Variants in NPHS1 observed in about 807,000 individuals in gnomAD.
NPHS1 encodes NPHS1 adhesion molecule, nephrin, also known as nephrin.
Under a neutral mutation model 139.7 loss-of-function variants are expected in NPHS1, and 107 were observed. The observed-to-expected ratio is 0.77, with a 90% CI of 0.66 to 0.90. The LOEUF (loss-of-function observed/expected upper bound fraction) is 0.90, where lower values mean the gene tolerates loss of function less well. Among genes scored for constraint, NPHS1 ranks in the 40% least tolerant of loss-of-function variants. The pLI, the probability that NPHS1 is intolerant of heterozygous loss-of-function variation, is 0.00. For synonymous variants in NPHS1, 707 were observed against 706.6 expected (o/e 1.00, Z -0.01); for missense variants, 1,580 against 1,654.2 (o/e 0.96, Z 0.78).
chr19:35,839,507 C>G lies in NPHS1; in HGVS notation c.2916G>C (p.Arg972Ser). The G allele has an allele frequency of 6.2e-7, 1 of 1,614,134 alleles. No homozygotes were observed. The change falls in exon 21 of 29, where the codon AGG becomes AGC. Residue 972 changes from arginine (R) to serine (S), a missense_variant. Coordinates refer to ENST00000378910, the MANE Select transcript of NPHS1 (RefSeq NM_004646.4). ...KPGFDGGLPQ[R>S]FCIRYEALGT... ...CGACAAGGACCCACCTGATGCAGAA[C>G]CTCTGTGGCAGGCCCCCATCAAAGC... is the stretch of plus-strand genomic sequence containing the variant.
At position 35,851,916 on chromosome 19, in the gene NPHS1, CTG is replaced by C; in HGVS notation, c.-81_-80del. On this transcript the variant is annotated 5_prime_UTR_variant, in exon 1 of 29. Transcript: ENST00000378910. Reference sequence around the variant, plus strand: ...TGTCTGGCTTTCTCTGGGTCCCTCTCTGTGTGTCTCTGCCACCTGCTTTTCTT... The same window carrying C: ...TGTCTGGCTTTCTCTGGGTCCCTCTCTGTGTCTCTGCCACCTGCTTTTCTT... 8.4e-7 allele frequency: 1 copy of C among 1,195,156 alleles called. No homozygotes were observed. The highest frequency in any genetic ancestry group is 1.2e-6 in the Non-Finnish European group (1 of 823,632). 74.0% of individuals were successfully genotyped at this position (1,195,156 alleles called of 1,614,324 possible). A position where few individuals can be genotyped will look rare whatever the true frequency, so the allele number is the denominator to read the frequency against.
At position 35,841,870 on chromosome 19, in the gene NPHS1, G is replaced by C; in HGVS notation, c.2664-4C>G. The C allele has an allele frequency of 6.2e-7, 1 of 1,606,588 alleles. No individual in the cohort carries two copies. The highest frequency in any genetic ancestry group is 1.1e-5 in the South Asian group (1 of 89,964). On this transcript the variant is annotated splice_region_variant and splice_polypyrimidine_tract_variant and intron_variant, in intron 19 of 28. Coordinates refer to ENST00000378910, the MANE Select transcript of NPHS1 (RefSeq NM_004646.4). ...GTGGTATGTGTGCTCCGTGTACCTA[G>C]AGAGAAGGTAGGGCACCACTCACCC...
chr19:35,837,938 T>TAA (rs1200757977), intron 22 of NPHS1, among the ~76,000 whole-genome samples: 2,508 of 99,318 alleles, frequency 0.025, 96 homozygotes, highest in African/African-American at 0.077. Context: ...GTTATTCTCT[T>TAA]AAAAAAAAAA....
intron 22 of NPHS1, 80 bp downstream of exon 22, chr19:35,839,157 G>A (rs1438785285): frequency 1.4e-5 from 19 of 1,356,650 alleles, no homozygotes; most frequent in Middle Eastern, 4.4e-4. Context: ...CATCATAAAA[G>A]GGGAATAGTA....
At chr19:35,846,832 A>C (rs1053981904) in intron 11 of NPHS1, among the ~76,000 whole-genome samples, 3 of 152,166 alleles carry the variant, frequency 2.0e-5, no homozygotes, top group African/African-American at 7.2e-5. Flanking sequence ...AATTAAAATA[A>C]AATTCCATTG....
At chr19:35,840,195 G>A (rs538125562) in intron 20 of NPHS1, among the ~76,000 whole-genome samples, 2 of 151,632 alleles carry the variant, frequency 1.3e-5, no homozygotes, top group African/African-American at 4.8e-5. Flanking sequence ...AGTAGAGATG[G>A]GGTTTCACTA....
At chr19:35,829,162 G>GC (rs1401750046) in intron 28 of NPHS1, among the ~76,000 whole-genome samples, 1 of 152,176 alleles carries the variant, frequency 6.6e-6, no homozygotes, top group Non-Finnish European at 1.5e-5. Flanking sequence ...AGTGGGGCTG[G>GC]CCCCTACTCC....
Position 35,831,379 on chromosome 19 carries a change from G to T in NPHS1, c.3312-8C>A. On this transcript the variant is annotated splice_polypyrimidine_tract_variant and splice_region_variant and intron_variant, in intron 25 of 28. Coordinates refer to ENST00000378910, the MANE Select transcript of NPHS1 (RefSeq NM_004646.4). Reference sequence around the variant, plus strand: ...ACTCGGTCCTCTTCCGACCTTCCAGGATGAAGGTGTGGGGGGAAGTTGAGT... The same window carrying T: ...ACTCGGTCCTCTTCCGACCTTCCAGTATGAAGGTGTGGGGGGAAGTTGAGT... 6.2e-7 allele frequency: 1 copy of T among 1,613,878 alleles called. No individual in the cohort carries two copies. The highest frequency in any genetic ancestry group is 8.5e-7 in the Non-Finnish European group (1 of 1,179,830).
chr19:35,845,858 AC>A lies in NPHS1; in HGVS notation c.1628-61del, dbSNP rs1375592621. ...GTTAGGGGCGGCCTGGTCTGCGTCCACCCCGCCTGCACCCCAGGCTCCGCCC... is the reference window on the plus strand; with the variant it reads ...GTTAGGGGCGGCCTGGTCTGCGTCCACCCGCCTGCACCCCAGGCTCCGCCC... On this transcript the variant is annotated intron_variant, in intron 12 of 28. Coordinates refer to ENST00000378910, the MANE Select transcript of NPHS1 (RefSeq NM_004646.4). This position sits in a 1 kb window ranked among gnomAD's most constrained non-coding sequence, Gnocchi z 5.5. 5 of 1,554,626 alleles carry A rather than the reference AC, an allele frequency of 3.2e-6. No individual in the cohort carries two copies. Among genetic ancestry groups the A allele is most frequent in the Non-Finnish European group, 4.4e-6 (5 of 1,147,408 alleles).
chr19:35,837,978 G>A (rs183297644), intron 22 of NPHS1, among the ~76,000 whole-genome samples: 15 of 146,620 alleles, frequency 1.0e-4, no homozygotes, highest in South Asian at 2.1e-4. Flanking sequence ...TAGTCCAGTC[G>A]TGGTGGCTCA....
rs747060506 is a variant in NPHS1 at position 35,850,954 on chromosome 19, C to T, written c.526+7G>A. On this transcript the variant is annotated splice_region_variant and intron_variant, in intron 4 of 28. Coordinates refer to ENST00000378910, the MANE Select transcript of NPHS1 (RefSeq NM_004646.4). Reference sequence around the variant, plus strand: ...TGCCCCCTGCCACCCAGTTCACCCACACTCACTCAGGAGAATGGTGATGTC... The same window carrying T: ...TGCCCCCTGCCACCCAGTTCACCCATACTCACTCAGGAGAATGGTGATGTC... The T allele has an allele frequency of 4.2e-5, 67 of 1,613,872 alleles. No homozygotes were observed. Among genetic ancestry groups the T allele is most frequent in the Admixed American group, 8.3e-5 (5 of 60,000 alleles).
At chr19:35,844,013 C>G in intron 16 of NPHS1, 90 bp downstream of exon 16, 1 of 1,542,840 alleles carries the variant, frequency 6.5e-7, no homozygotes, top group Admixed American at 1.7e-5. Context: ...GGTGGCTATC[C>G]CTGGGTGGGC....
chr19:35,835,500 T>A (rs2146812006), intron 23 of NPHS1, among the ~76,000 whole-genome samples: 1 of 152,110 alleles, frequency 6.6e-6, no homozygotes, highest in East Asian at 1.9e-4. Context: ...TCTTGCTATG[T>A]TGCCCAAGCT....
rs1330672658 is a variant in NPHS1, at chr19:35,849,169, G to A, written c.841-22C>T. 2.5e-6 allele frequency: 4 copies of A among 1,612,014 alleles called. No individual in the cohort carries two copies. In the East Asian group the frequency reaches 6.7e-5, roughly 27 times the overall value. ...CATTCTGGAGACAGGGACAGGCCTG[G>A]GCCAGCTCAGGACTGGCTCCCAGAC... On this transcript the variant is annotated intron_variant, in intron 7 of 28. Coordinates refer to ENST00000378910, the MANE Select transcript of NPHS1 (RefSeq NM_004646.4).
intron 9 of NPHS1, 38 bp from the exon 10 acceptor site, chr19:35,848,435 A>C (rs369971651): frequency 6.2e-7 from 1 of 1,613,422 alleles, no homozygotes; most frequent in African/African-American, 1.3e-5. Context: ...GGACTGCAGC[A>C]CCCCTATCCA....
rs886054344 is a variant in NPHS1, at chr19:35,825,556, C to A, written c.*958G>T. Among the ~76,000 whole-genome samples the A allele has an allele frequency of 2.0e-5, 3 of 152,126 alleles. No individual in the cohort carries two copies. The highest frequency in any genetic ancestry group is 4.4e-5 in the Non-Finnish European group (3 of 68,030). ...CCATGCCTTTTTGCAGTCAACCCTC[C>A]TCTCATGGCCCCAGGAAACCTCTGC... On this transcript the variant is annotated 3_prime_UTR_variant, in exon 29 of 29. Transcript: ENST00000378910.
At position 35,831,267 on chromosome 19, in the gene NPHS1, G is replaced by A. The variant is rs368828209; in HGVS notation, c.3387+29C>T. The stretch of plus-strand genomic sequence containing the variant: ...TTCAGTCGCCGTCGGTGCCCTGATT[G>A]TGGGGTCACCAGGGCCACCCCCACT... On this transcript the variant is annotated intron_variant, in intron 26 of 28. Transcript: ENST00000378910. The A allele has an allele frequency of 5.0e-6, 8 of 1,610,714 alleles. No individual in the cohort carries two copies. In the Admixed American group the frequency reaches 1.3e-4, roughly 27 times the overall value.
In NPHS1 at chr19:35,851,946, T is replaced by C; in HGVS notation, c.-109A>G. On this transcript the variant is annotated 5_prime_UTR_variant, in exon 1 of 29. Coordinates refer to ENST00000378910, the MANE Select transcript of NPHS1 (RefSeq NM_004646.4). ...TGTCTCTGCCACCTGCTTTTCTTTT[T>C]TATCTCTTTCCGTTACTCTCCTCCC... 1.1e-6 allele frequency: 1 copy of C among 920,840 alleles called. No individual in the cohort carries two copies. The highest frequency in any genetic ancestry group is 1.7e-6 in the Non-Finnish European group (1 of 575,774). 57.0% of individuals were successfully genotyped at this position (920,840 alleles called of 1,614,324 possible). A position where few individuals can be genotyped will look rare whatever the true frequency, so the allele number is the denominator to read the frequency against.
At chr19:35,830,706 G>A (rs1972864925) in intron 28 of NPHS1, 138 bp downstream of exon 28, 1 of 741,564 alleles carries the variant, frequency 1.3e-6, no homozygotes, top group East Asian at 2.5e-5. Context: ...ATCATGCCCA[G>A]CCGACTGTCT....
Sources: gnomAD v4.1 joint callset for allele counts (sites outside exome capture counted in the v4.1 genomes callset) on GRCh38, gnomAD v4.1.1 for gene constraint, Gnocchi (gnomAD v3.1) non-coding constraint, MANE v1.5 for transcripts, NCBI Gene and HGNC (gene_info 2026-07-23, HGNC 2026-07-21) for gene names.